Variants in STIM1 observed in about 807,000 individuals in gnomAD.
STIM1 encodes the protein stromal interaction molecule 1.
Under a neutral mutation model 74.7 loss-of-function variants are expected in STIM1, and 25 were observed. The ratio of observed to expected loss-of-function variants is 0.33; its 90% CI spans 0.24 to 0.47. The LOEUF is 0.47. STIM1 is among the 20% of genes least tolerant of loss of function. STIM1 has a pLI of 1.00. For synonymous variants in STIM1, 328 were observed against 348.8 expected (o/e 0.94, Z 0.66); for missense variants, 728 against 920.8 (o/e 0.79, Z 2.71).
intron 1 of STIM1, among the ~76,000 whole-genome samples, chr11:3,888,524 CA>C: frequency 6.6e-6 from 1 of 152,144 alleles, no homozygotes; most frequent in South Asian, 2.1e-4. Context: ...TAGTTTGGAA[CA>C]TTGCCATATA....
chr11:3,977,100 C>T (rs1174052670), intron 2 of STIM1, among the ~76,000 whole-genome samples: 2 of 152,062 alleles, frequency 1.3e-5, no homozygotes, highest in African/African-American at 4.8e-5. Flanking sequence ...TGGCCCCTGA[C>T]AGCTGTATTT....
chr11:4,052,080 C>G (rs1354045940), intron 3 of STIM1, among the ~76,000 whole-genome samples: 1 of 152,176 alleles, frequency 6.6e-6, no homozygotes, highest in African/African-American at 2.4e-5. Flanking sequence ...AGGAGAACTA[C>G]AAACCACTGC....
chr11:3,990,522 T>C (rs925253828), intron 2 of STIM1, among the ~76,000 whole-genome samples: 3 of 152,222 alleles, frequency 2.0e-5, no homozygotes, highest in Non-Finnish European at 2.9e-5. Flanking sequence ...GTATTTTCCA[T>C]ATAAAAATGG....
intron 7 of STIM1, 105 bp downstream of exon 7, chr11:4,074,784 C>A: frequency 1.6e-6 from 2 of 1,273,086 alleles, no homozygotes; most frequent in Non-Finnish European, 2.2e-6. Context: ...AAATATGATC[C>A]AAAGACTATG....
At chr11:3,992,531 G>A (rs955705327) in intron 2 of STIM1, among the ~76,000 whole-genome samples, 12 of 152,180 alleles carry the variant, frequency 7.9e-5, no homozygotes, top group Admixed American at 2.6e-4. Flanking sequence ...TATGAGATAC[G>A]TGATTTGAAA....
intron 2 of STIM1, among the ~76,000 whole-genome samples, chr11:3,975,179 A>G (rs749621302): frequency 1.3e-5 from 2 of 152,240 alleles, no homozygotes; most frequent in African/African-American, 2.4e-5. Context: ...AGATTATAGT[A>G]GTCTAGTGAC....
At chr11:3,878,680 AGGGCTTATGTCTTACCTATCTTTGT>A (rs1362231562) in intron 1 of STIM1, among the ~76,000 whole-genome samples, 1 of 152,194 alleles carries the variant, frequency 6.6e-6, no homozygotes, top group African/African-American at 2.4e-5. Context: ...TCATGAGAGC[AGGGCTTATGTCTTACCTATCTTTGT>A]GTCACCATTC....
chr11:3,993,329 G>A (rs1361579232), intron 2 of STIM1, among the ~76,000 whole-genome samples: 2 of 152,104 alleles, frequency 1.3e-5, no homozygotes, highest in South Asian at 2.1e-4. Flanking sequence ...TGTTTCCTTA[G>A]GTATTTAGTT....
chr11:3,957,939 C>T (rs748106256), intron 1 of STIM1, among the ~76,000 whole-genome samples: 6 of 152,078 alleles, frequency 3.9e-5, no homozygotes, highest in Non-Finnish European at 8.8e-5. Flanking sequence ...AGTCTTGACT[C>T]ACTGCAACCT....
chr11:4,054,559 T>C (rs971683814), intron 3 of STIM1, among the ~76,000 whole-genome samples: 2 of 152,158 alleles, frequency 1.3e-5, no homozygotes, highest in East Asian at 3.9e-4. Flanking sequence ...CGAACCCTAT[T>C]ATGAACTGCA....
intron 3 of STIM1, among the ~76,000 whole-genome samples, chr11:4,043,171 C>G (rs2094161811): frequency 6.6e-6 from 1 of 152,114 alleles, no homozygotes; most frequent in Non-Finnish European, 1.5e-5. Flanking sequence ...AATCAGTGTT[C>G]TAAAATGCCA....
At chr11:3,866,402 T>C (rs1270386606) in intron 1 of STIM1, among the ~76,000 whole-genome samples, 4 of 151,740 alleles carry the variant, frequency 2.6e-5, no homozygotes, top group Non-Finnish European at 5.9e-5. Context: ...ACACCCTGCT[T>C]ACGCCACAAG....
intron 1 of STIM1, among the ~76,000 whole-genome samples, chr11:3,865,109 A>G (rs2090804346): frequency 6.6e-6 from 1 of 152,164 alleles, no homozygotes; most frequent in East Asian, 1.9e-4. Context: ...AGATTTGTAG[A>G]TGGCATTGAA....
At chr11:3,933,602 G>A (rs1398650096) in intron 1 of STIM1, among the ~76,000 whole-genome samples, 1 of 151,946 alleles carries the variant, frequency 6.6e-6, no homozygotes, top group Non-Finnish European at 1.5e-5. Context: ...TATTTGCCTT[G>A]CCTCCCTGTG....
At chr11:3,907,216 G>A (rs1018613818) in intron 1 of STIM1, among the ~76,000 whole-genome samples, 2 of 152,144 alleles carry the variant, frequency 1.3e-5, no homozygotes, top group African/African-American at 4.8e-5. Context: ...GGTTATAATG[G>A]CAGTTACTAT....
intron 1 of STIM1, among the ~76,000 whole-genome samples, chr11:3,956,681 G>A (rs1461807693): frequency 6.6e-6 from 1 of 151,864 alleles, no homozygotes; most frequent in Admixed American, 6.6e-5. Context: ...TAGAAGTCTG[G>A]GCACAGTGGC....
chr11:4,024,010 A>C, intron 3 of STIM1, 23 bp downstream of exon 3: 1 of 1,596,750 alleles, frequency 6.3e-7, no homozygotes, highest in Non-Finnish European at 8.6e-7. Flanking sequence ...CTGGTCATCA[A>C]TCCTAGTTGT....
chr11:4,084,322 A>G (rs551066918), intron 10 of STIM1, among the ~76,000 whole-genome samples: 231 of 152,356 alleles, frequency 1.5e-3, no homozygotes, highest in Non-Finnish European at 2.6e-3. Flanking sequence ...GGGCTGGGTT[A>G]GGGGCTTACT....
chr11:3,896,352 A>G (rs951089566), intron 1 of STIM1, among the ~76,000 whole-genome samples: 1 of 152,072 alleles, frequency 6.6e-6, no homozygotes, highest in African/African-American at 2.4e-5. Context: ...CTCTATTTTA[A>G]TGTTAGGGAA....
Sources: gnomAD v4.1 joint callset for allele counts (sites outside exome capture counted in the v4.1 genomes callset) on GRCh38, gnomAD v4.1.1 for gene constraint, MANE v1.5 for transcripts, NCBI Gene and HGNC (gene_info 2026-07-23, HGNC 2026-07-21) for gene names.